The following ENTREP2 variants were observed in gnomAD, a reference collection of about 807,000 sequenced individuals.
The protein encoded by ENTREP2 is endosomal transmembrane epsin interactor 2.
the ENTREP2 span, among the ~76,000 whole-genome samples, chr15:29,320,112 A>G: frequency 6.6e-6 from 1 of 152,284 alleles, no homozygotes; most frequent in East Asian, 1.9e-4. Flanking sequence ...CTAAGGCAGG[A>G]ATAAAAGGCT....
At chr15:29,195,003 C>T in the ENTREP2 span, 2 of 494,414 alleles carry the variant, frequency 4.0e-6, no homozygotes, top group Non-Finnish European at 5.2e-6. Flanking sequence ...GTGTCCCCTC[C>T]CAGGAGGGCT....
chr15:29,648,952 A>G, the ENTREP2 span, among the ~76,000 whole-genome samples: 2 of 151,438 alleles, frequency 1.3e-5, no homozygotes, highest in Admixed American at 1.3e-4. Context: ...AAAAAACAAC[A>G]ACAAAAAAAA....
chr15:29,216,044 T>G, the ENTREP2 span, among the ~76,000 whole-genome samples: 33 of 152,334 alleles, frequency 2.2e-4, no homozygotes, highest in South Asian at 6.0e-3. Flanking sequence ...TTAACTTGTA[T>G]TTTTGTTTTA....
the ENTREP2 span, among the ~76,000 whole-genome samples, chr15:29,280,517 A>G: frequency 6.6e-6 from 1 of 152,228 alleles, no homozygotes; most frequent in African/African-American, 2.4e-5. Context: ...TACAGGGAAG[A>G]CAGAATGGAC....
the ENTREP2 span, among the ~76,000 whole-genome samples, chr15:29,356,506 T>C: frequency 4.0e-5 from 6 of 151,184 alleles, no homozygotes; most frequent in East Asian, 3.9e-4. Context: ...GGGGTTTCAC[T>C]GTGTTAGCCA....
At chr15:29,523,854 C>A in the ENTREP2 span, among the ~76,000 whole-genome samples, 2 of 151,810 alleles carry the variant, frequency 1.3e-5, no homozygotes, top group East Asian at 1.9e-4. Context: ...TAAAATTGAA[C>A]CCTTGTCTCA....
chr15:29,545,097 G>A, the ENTREP2 span, among the ~76,000 whole-genome samples: 1 of 152,170 alleles, frequency 6.6e-6, no homozygotes, highest in Non-Finnish European at 1.5e-5. Flanking sequence ...AAATCTTTTG[G>A]GCAGATCATA....
chr15:29,438,505 T>TA, the ENTREP2 span, among the ~76,000 whole-genome samples: 2 of 151,978 alleles, frequency 1.3e-5, no homozygotes, highest in African/African-American at 4.8e-5. Flanking sequence ...AGTGCTGAAA[T>TA]AGAGTGTAGC....
the ENTREP2 span, among the ~76,000 whole-genome samples, chr15:29,564,435 G>T: frequency 1.3e-5 from 2 of 152,148 alleles, no homozygotes; most frequent in Non-Finnish European, 2.9e-5. Flanking sequence ...TCTGTCTTCT[G>T]CTTAACTTGG....
At chr15:29,655,068 CA>C in the ENTREP2 span, among the ~76,000 whole-genome samples, 1 of 151,968 alleles carries the variant, frequency 6.6e-6, no homozygotes, top group Non-Finnish European at 1.5e-5. Flanking sequence ...CAACAAACAT[CA>C]AATGATCCTG....
the ENTREP2 span, among the ~76,000 whole-genome samples, chr15:29,185,005 G>C: frequency 6.6e-6 from 1 of 151,884 alleles, no homozygotes; most frequent in African/African-American, 2.4e-5. Context: ...GAGCCTGAGA[G>C]GTTGAGGCTG....
At chr15:29,298,391 C>A in the ENTREP2 span, among the ~76,000 whole-genome samples, 1 of 151,624 alleles carries the variant, frequency 6.6e-6, no homozygotes. Context: ...AGACAGAAAG[C>A]AATGAAATAA....
the ENTREP2 span, among the ~76,000 whole-genome samples, chr15:29,624,355 A>G: frequency 6.6e-6 from 1 of 152,064 alleles, no homozygotes; most frequent in Non-Finnish European, 1.5e-5. Context: ...ACACACGTAC[A>G]ATATAGTTTC....
chr15:29,535,986 C>T, the ENTREP2 span, among the ~76,000 whole-genome samples: 1 of 152,132 alleles, frequency 6.6e-6, no homozygotes, highest in African/African-American at 2.4e-5. Flanking sequence ...GGCAGAGGAG[C>T]CTGCCCAACA....
At chr15:29,658,661 A>G in the ENTREP2 span, among the ~76,000 whole-genome samples, 2 of 151,488 alleles carry the variant, frequency 1.3e-5, no homozygotes, top group Non-Finnish European at 3.0e-5. Flanking sequence ...AAAAAAAACA[A>G]TCTACTCAAT....
chr15:29,199,942 T>A, the ENTREP2 span, among the ~76,000 whole-genome samples: 1 of 152,248 alleles, frequency 6.6e-6, no homozygotes, highest in African/African-American at 2.4e-5. Context: ...TGCCTATAGA[T>A]GTCCAATTGT....
chr15:29,479,942 T>C, the ENTREP2 span, among the ~76,000 whole-genome samples: 303 of 152,106 alleles, frequency 2.0e-3, 2 homozygotes, highest in Non-Finnish European at 3.2e-3. Context: ...GGAAAAGCAA[T>C]GTGGTTCTGT....
At chr15:29,298,755 G>A in the ENTREP2 span, among the ~76,000 whole-genome samples, 1,247 of 152,286 alleles carry the variant, frequency 8.2e-3, 27 homozygotes, top group Admixed American at 0.042. Context: ...ACAGCCAGAT[G>A]ACTTCAACAG....
chr15:29,126,117 T>A, the ENTREP2 span: 1 of 637,446 alleles, frequency 1.6e-6, no homozygotes, highest in Non-Finnish European at 2.6e-6. Context: ...CACCCACCCC[T>A]GGCTCAGGGG....
Sources: allele counts gnomAD v4.1 joint callset (sites outside exome capture counted in the v4.1 genomes callset), GRCh38; gene constraint gnomAD v4.1.1; transcripts MANE v1.5; gene names NCBI Gene and HGNC (gene_info 2026-07-23, HGNC 2026-07-21).